Variants in RUNX1T1 observed in about 807,000 individuals in gnomAD.
The protein encoded by RUNX1T1 is protein CBFA2T1.
In RUNX1T1, 4 loss-of-function variants were observed where a neutral mutation model predicts 62.8. The ratio of observed to expected loss-of-function variants is 0.06; its 90% CI spans 0.03 to 0.15. The LOEUF (loss-of-function observed/expected upper bound fraction) is 0.15. Ranked by LOEUF, RUNX1T1 falls within the 10% of genes least tolerant of loss-of-function variation. The pLI is 1.00. For synonymous variants in RUNX1T1, 291 were observed against 286.0 expected, an observed-to-expected ratio of 1.02 and a Z score of -0.18; for missense variants, 508 against 754.3, an observed-to-expected ratio of 0.67 and a Z score of 3.82.
intron 2 of RUNX1T1, among the ~76,000 whole-genome samples, chr8:92,073,485 A>G (rs530787717): frequency 1.3e-5 from 2 of 152,192 alleles, no homozygotes; most frequent in African/African-American, 4.8e-5. Flanking sequence ...CTCACTCACA[A>G]TGCCGACTGT....
chr8:91,964,701 C>A (rs1811212063), intron 10 of RUNX1T1, among the ~76,000 whole-genome samples: 1 of 152,116 alleles, frequency 6.6e-6, no homozygotes, highest in South Asian at 2.1e-4. Flanking sequence ...TTCTAAAATG[C>A]CACACTTTGT....
rs146318504 is a variant in RUNX1T1 at position 91,966,598 on chromosome 8, T to C, written c.1458+4060A>G. Among the ~76,000 whole-genome samples the C allele has an allele frequency of 2.3e-3, 343 of 152,230 alleles. 1 individual carries two copies. The highest frequency in any genetic ancestry group is 6.5e-4 in the Non-Finnish European group (44 of 68,018). On this transcript the variant is annotated intron_variant, in intron 10 of 10. Transcript: ENST00000396218. ...AATAGCTGCAATCTGAGAGCATTCA[T>C]TGGAAAAAGCTTTATCTGTACACAG... is the stretch of plus-strand genomic sequence containing the variant.
upstream of RUNX1T1, chr8:92,103,141 A>G (rs1808450006): frequency 5.2e-6 from 2 of 385,234 alleles, no homozygotes; most frequent in Non-Finnish European, 9.1e-6. Flanking sequence ...GCAGAGCCCA[A>G]GACTTGCGGA....
intron 6 of RUNX1T1, among the ~76,000 whole-genome samples, chr8:91,989,513 T>C (rs1279090736): frequency 1.3e-5 from 2 of 152,206 alleles, no homozygotes; most frequent in African/African-American, 4.8e-5. Flanking sequence ...TAAAGGGATA[T>C]TTTATATTAC....
At chr8:91,973,464 T>C (rs761962557) in intron 9 of RUNX1T1, among the ~76,000 whole-genome samples, 1 of 152,060 alleles carries the variant, frequency 6.6e-6, no homozygotes, top group Non-Finnish European at 1.5e-5. Context: ...TAATTACAAT[T>C]TTCTGTGAAA....
chr8:91,982,078 C>G (rs1342073398), intron 8 of RUNX1T1, among the ~76,000 whole-genome samples: 1 of 151,442 alleles, frequency 6.6e-6, no homozygotes, highest in Non-Finnish European at 1.5e-5. Flanking sequence ...AACCCCACTC[C>G]TACAAAAAAT....
chr8:91,968,380 C>T lies in RUNX1T1; in HGVS notation c.1458+2278G>A, dbSNP rs577546575. ...TTGCCCTGCACCCTAGGTTACAGTGCACTCTCCGGTAAGTTTTGCACATTA... is the reference window on the plus strand; with the variant it reads ...TTGCCCTGCACCCTAGGTTACAGTGTACTCTCCGGTAAGTTTTGCACATTA... On this transcript the variant is annotated intron_variant, in intron 10 of 10. Coordinates refer to ENST00000396218, the Ensembl canonical transcript of RUNX1T1. Among the ~76,000 whole-genome samples the T allele has an allele frequency of 7.2e-5, 11 of 152,310 alleles. No individual in the cohort carries two copies. The South Asian group carries it at 2.3e-3, about 32-fold the overall frequency.
intron 10 of RUNX1T1, among the ~76,000 whole-genome samples, chr8:91,962,577 T>G (rs1810734534): frequency 6.6e-6 from 1 of 152,238 alleles, no homozygotes; most frequent in African/African-American, 2.4e-5. Context: ...CTGCATTGCA[T>G]GTACAATGGT....
chr8:92,100,964 C>T (rs2130954735), upstream of RUNX1T1, among the ~76,000 whole-genome samples: 1 of 152,276 alleles, frequency 6.6e-6, no homozygotes, highest in East Asian at 1.9e-4. Context: ...TCAAGGCAAA[C>T]GCTGCCATAA....
chr8:92,062,455 G>A lies in RUNX1T1; in HGVS notation c.7+91C>T, dbSNP rs989223671. On this transcript the variant is annotated intron_variant, in intron 1 of 10. Coordinates refer to ENST00000396218, the Ensembl canonical transcript of RUNX1T1. ...TTCCTGCCCACATCAGATACAACACGCTGTGGGGCAGAAGGTATTTTCCAT... is the reference window on the plus strand; with the variant it reads ...TTCCTGCCCACATCAGATACAACACACTGTGGGGCAGAAGGTATTTTCCAT... 53 of 1,375,346 alleles carry A rather than the reference G, an allele frequency of 3.9e-5. No homozygotes were observed. The Middle Eastern group carries it at 5.3e-4, about 14-fold the overall frequency. 85.2% of individuals were successfully genotyped at this position (1,375,346 alleles called of 1,614,324 possible). A position where few individuals can be genotyped will look rare whatever the true frequency, so the allele number is the denominator to read the frequency against.
chr8:92,103,156 T>C, upstream of RUNX1T1: 2 of 370,422 alleles, frequency 5.4e-6, no homozygotes, highest in Admixed American at 4.7e-5. Context: ...TGCGGAGCTC[T>C]GCTCCCCTCC....
exon 11 of RUNX1T1, chr8:91,960,312 G>A: frequency 6.2e-7 from 1 of 1,611,214 alleles, no homozygotes; most frequent in South Asian, 1.1e-5. Context: ...TGCTGGTGGT[G>A]TGTCCATCGG....
At chr8:92,090,948 C>A (rs1027570228) in intron 1 of RUNX1T1, among the ~76,000 whole-genome samples, 1 of 152,152 alleles carries the variant, frequency 6.6e-6, no homozygotes, top group East Asian at 1.9e-4. Context: ...AGGACAGGCT[C>A]ATAGTAGGTC....
At chr8:92,016,615 C>T (rs1823053832) in intron 2 of RUNX1T1, among the ~76,000 whole-genome samples, 1 of 152,102 alleles carries the variant, frequency 6.6e-6, no homozygotes, top group South Asian at 2.1e-4. Context: ...GCAGAGGTTG[C>T]AGTGAGCTGA....
chr8:92,073,843 T>C (rs1234860604), intron 2 of RUNX1T1, among the ~76,000 whole-genome samples: 1 of 152,136 alleles, frequency 6.6e-6, no homozygotes, highest in Non-Finnish European at 1.5e-5. Flanking sequence ...ACTACAGGCA[T>C]GTGCCATCAC....
chr8:91,970,627 T>C (rs2130617856), intron 10 of RUNX1T1, 31 bp downstream of exon 11: 1 of 1,550,474 alleles, frequency 6.4e-7, no homozygotes, highest in Non-Finnish European at 8.7e-7. Context: ...AAAACTATCT[T>C]GTTTATTTGG....
chr8:91,977,012 T>C (rs891328105), intron 8 of RUNX1T1: 3 of 191,122 alleles, frequency 1.6e-5, no homozygotes, highest in African/African-American at 7.0e-5. Context: ...ATGTTGAAGA[T>C]GAAGACATTT....
At chr8:91,973,052 T>C (rs75251275) in intron 9 of RUNX1T1, among the ~76,000 whole-genome samples, 2 of 151,982 alleles carry the variant, frequency 1.3e-5, no homozygotes, top group South Asian at 4.1e-4. Flanking sequence ...TATTATATTG[T>C]GTTATTGGGG....
chr8:91,999,898 A>C (rs2130966500), intron 5 of RUNX1T1, among the ~76,000 whole-genome samples: 1 of 152,354 alleles, frequency 6.6e-6, no homozygotes, highest in South Asian at 2.1e-4. Flanking sequence ...AGGAGTATGC[A>C]GTAAAGTTAG....
Sources: gnomAD v4.1 joint callset for allele counts (sites outside exome capture counted in the v4.1 genomes callset) on GRCh38, gnomAD v4.1.1 for gene constraint, MANE v1.5 for transcripts, NCBI Gene and HGNC (gene_info 2026-07-23, HGNC 2026-07-21) for gene names.